UNC45A: variants seen among roughly 807,000 people sequenced by gnomAD.
UNC45A encodes unc-45 myosin chaperone A, also known as protein unc-45 homolog A.
Under a neutral mutation model 103.2 loss-of-function variants are expected in UNC45A, and 78 were observed. The observed-to-expected ratio is 0.76, with a 90% CI of 0.63 to 0.91. UNC45A has a LOEUF of 0.91. Ranked by LOEUF, UNC45A falls within the 40% of genes least tolerant of loss-of-function variation. The pLI, the probability that UNC45A is intolerant of heterozygous loss-of-function variation, is 0.00. For synonymous variants in UNC45A, 495 were observed against 504.6 expected, an observed-to-expected ratio of 0.98 and a Z score of 0.25; for missense variants, 1,193 against 1,224.8, an observed-to-expected ratio of 0.97 and a Z score of 0.39.
intron 3 of UNC45A, 101 bp from the exon 4 acceptor site, chr15:90,936,184 C>T: frequency 3.9e-6 from 6 of 1,531,476 alleles, no homozygotes; most frequent in Non-Finnish European, 5.3e-6. Flanking sequence ...CACATTCGTC[C>T]CCCCCACCTT....
At chr15:90,942,761 C>G in intron 7 of UNC45A, 151 bp from the exon 8 acceptor site, 1 of 1,479,440 alleles carries the variant, frequency 6.8e-7, no homozygotes, top group Non-Finnish European at 9.2e-7. Context: ...TCTCAGCAAC[C>G]AAGGTGCCTC....
At chr15:90,931,402 C>A (rs1351146262), upstream of UNC45A, 3 of 1,583,114 alleles carry the variant, frequency 1.9e-6, no homozygotes, top group Non-Finnish European at 2.6e-6. Context: ...ATGTTCTGAC[C>A]ATCCTGCATA....
intron 12 of UNC45A, 146 bp from the exon 13 acceptor site, chr15:90,948,508 A>C: frequency 7.2e-7 from 1 of 1,381,886 alleles, no homozygotes; most frequent in Admixed American, 2.6e-5. Context: ...AAGCTCCCAA[A>C]GTCTGGGGCC....
upstream of UNC45A, chr15:90,931,455 T>A: frequency 6.2e-7 from 1 of 1,613,780 alleles, no homozygotes; most frequent in Non-Finnish European, 8.5e-7. Flanking sequence ...AGGAAAGCAC[T>A]GCCTTTTCCC....
At chr15:90,936,543 C>G (rs111288682) in intron 4 of UNC45A, 83 bp downstream of exon 4, 2 of 1,481,422 alleles carry the variant, frequency 1.4e-6, no homozygotes, top group Admixed American at 2.4e-5. Flanking sequence ...GTTCTCCAGA[C>G]GAGATCCCGG....
intron 17 of UNC45A, 180 bp from the exon 18 acceptor site, chr15:90,952,749 C>A: frequency 3.3e-6 from 2 of 609,922 alleles, no homozygotes; most frequent in Non-Finnish European, 5.8e-6. Flanking sequence ...TTTTAAATAA[C>A]CAGATCTCAC....
At chr15:90,943,663 G>T (rs2036408632) in intron 8 of UNC45A, among the ~76,000 whole-genome samples, 1 of 151,906 alleles carries the variant, frequency 6.6e-6, no homozygotes, top group Non-Finnish European at 1.5e-5. Context: ...CTGCAAGCAG[G>T]TTAGCAGAGA....
intron 4 of UNC45A, among the ~76,000 whole-genome samples, chr15:90,939,138 C>T (rs900896667): frequency 1.3e-5 from 2 of 151,630 alleles, no homozygotes; most frequent in Non-Finnish European, 2.9e-5. Context: ...TGCCACCACG[C>T]CCGGCTAATT....
rs1292414756 is a variant in UNC45A at position 90,942,515 on chromosome 15, G to A, written c.766G>A (p.Ala256Thr). ...LGVESQAVSL[A>T]ACHLLQVMFD... ...CGTGGAAAGCCAGGCTGTGTCCCTG[G>A]CTGCCTGCCACCTGCTGCAGGTTAT... The change falls in exon 7 of 20, where the codon GCT becomes ACT. Residue 256 changes from alanine (A) to threonine (T), a missense_variant. By Grantham distance (58) the Ala-to-Thr change is moderately conservative. Coordinates refer to ENST00000418476, the MANE Select transcript of UNC45A (RefSeq NM_018671.5). The A allele has an allele frequency of 1.2e-6, 2 of 1,614,066 alleles. No individual in the cohort carries two copies. Among genetic ancestry groups the A allele is most frequent in the East Asian group, 2.2e-5 (1 of 44,904 alleles).
In UNC45A at chr15:90,946,602, T is replaced by C. The variant is rs1304624737; in HGVS notation, c.1200-12T>C. Reference sequence around the variant, plus strand: ...GGCCTTGGTGTGACGGCTGTCACCCTGTGCCCCTCAGGAGCTGGTTTGAGG... The same window carrying C: ...GGCCTTGGTGTGACGGCTGTCACCCCGTGCCCCTCAGGAGCTGGTTTGAGG... On this transcript the variant is annotated splice_polypyrimidine_tract_variant and intron_variant, in intron 9 of 19. Coordinates refer to ENST00000418476, the MANE Select transcript of UNC45A (RefSeq NM_018671.5). 3.8e-6 allele frequency: 6 copies of C among 1,591,274 alleles called. No individual in the cohort carries two copies. In the Admixed American group the frequency reaches 6.8e-5, roughly 18 times the overall value.
At chr15:90,931,938 G>A (rs1350824580), upstream of UNC45A, 1 of 1,613,810 alleles carries the variant, frequency 6.2e-7, no homozygotes, top group African/African-American at 1.3e-5. Flanking sequence ...TCATGGAGCA[G>A]GGCCGCCTGG....
upstream of UNC45A, chr15:90,931,431 C>G (rs762332074): frequency 6.2e-7 from 1 of 1,607,838 alleles, no homozygotes. Context: ...CAGAAACTTG[C>G]TAGCGTGATG....
chr15:90,942,789 C>T, intron 7 of UNC45A, 123 bp from the exon 8 acceptor site: 2 of 1,485,312 alleles, frequency 1.3e-6, no homozygotes, highest in East Asian at 2.3e-5. Context: ...AGCTGGAGCT[C>T]AGTCTGGAGC....
chr15:90,932,046 G>T (rs1347271014), upstream of UNC45A: 1 of 1,613,732 alleles, frequency 6.2e-7, no homozygotes, highest in South Asian at 1.1e-5. Flanking sequence ...AGAGAAGGGG[G>T]AAAGTTACCT....
intron 4 of UNC45A, among the ~76,000 whole-genome samples, chr15:90,938,924 G>C (rs985667617): frequency 1.3e-5 from 2 of 151,840 alleles, no homozygotes; most frequent in African/African-American, 4.8e-5. Context: ...TGCCCACCTC[G>C]GCCTCCCAAA....
At chr15:90,949,802 G>C in intron 15 of UNC45A, 82 bp downstream of exon 15, 1 of 1,408,474 alleles carries the variant, frequency 7.1e-7, no homozygotes, top group South Asian at 1.2e-5. Context: ...CGCCAGAGCT[G>C]GGTGTTAGAT....
At chr15:90,938,424 T>A (rs546674373) in intron 4 of UNC45A, among the ~76,000 whole-genome samples, 1 of 152,046 alleles carries the variant, frequency 6.6e-6, no homozygotes, top group African/African-American at 2.4e-5. Context: ...GGAAAGCAAA[T>A]AGGTTTCCTC....
Position 90,937,364 on chromosome 15 carries a change from G to A in UNC45A, c.426+904G>A, listed in dbSNP as rs746244278. Among the ~76,000 whole-genome samples, 7 of 151,922 alleles carry A rather than the reference G, an allele frequency of 4.6e-5. No homozygotes were observed. In the South Asian group the frequency reaches 1.5e-3, roughly 32 times the overall value. On this transcript the variant is annotated intron_variant, in intron 4 of 19. Transcript: ENST00000418476. ...CTGTCTCTTTCAAAAAAGAAAAGAAGAAGAAAAATATACAATAACACATAT... is the reference window on the plus strand; with the variant it reads ...CTGTCTCTTTCAAAAAAGAAAAGAAAAAGAAAAATATACAATAACACATAT...
At chr15:90,947,772 A>T (rs566174036) in intron 10 of UNC45A, 24 bp from the exon 11 acceptor site, 4 of 1,599,196 alleles carry the variant, frequency 2.5e-6, no homozygotes, top group Non-Finnish European at 3.4e-6. Flanking sequence ...CCAGAGGCCA[A>T]CTGGTCTTGC....
Sources: gnomAD v4.1 joint callset for allele counts (sites outside exome capture counted in the v4.1 genomes callset) on GRCh38, gnomAD v4.1.1 for gene constraint, MANE v1.5 for transcripts, NCBI Gene and HGNC (gene_info 2026-07-23, HGNC 2026-07-21) for gene names.